The following TRPC4AP variants were observed in gnomAD, a reference collection of about 807,000 sequenced individuals.
The protein encoded by TRPC4AP is short transient receptor potential channel 4-associated protein.
TRPC4AP carries 45 observed loss-of-function variants against 99.0 expected under a neutral mutation model. The ratio of observed to expected loss-of-function variants is 0.45; its 90% CI spans 0.36 to 0.58. The LOEUF is 0.58. TRPC4AP is among the 20% of genes least tolerant of loss of function. TRPC4AP has a pLI of 0.00. For missense variants in TRPC4AP, 879 were observed against 985.3 expected (o/e 0.89, Z 1.44); for synonymous variants, 408 against 385.8 (o/e 1.06, Z -0.67).
At chr20:35,025,322 G>A (rs993756091) in intron 8 of TRPC4AP, among the ~76,000 whole-genome samples, 9 of 152,044 alleles carry the variant, frequency 5.9e-5, no homozygotes, top group African/African-American at 2.2e-4. Context: ...TCAGGACTAT[G>A]GGCACGTGCC....
chr20:35,026,399 G>A (rs1427565138), intron 8 of TRPC4AP, among the ~76,000 whole-genome samples: 2 of 152,016 alleles, frequency 1.3e-5, no homozygotes, highest in African/African-American at 2.4e-5. Context: ...ATTTTTTATA[G>A]AGACAGGGGT....
intron 9 of TRPC4AP, among the ~76,000 whole-genome samples, chr20:35,020,877 T>C (rs1396415068): frequency 6.6e-6 from 1 of 152,168 alleles, no homozygotes; most frequent in Admixed American, 6.5e-5. Context: ...TCCTCTAGCA[T>C]GTCCACAGGG....
At chr20:35,058,793 G>A (rs1166525998) in intron 3 of TRPC4AP, among the ~76,000 whole-genome samples, 1 of 148,092 alleles carries the variant, frequency 6.8e-6, no homozygotes, top group African/African-American at 2.5e-5. Flanking sequence ...GGGTTCAAGC[G>A]ATTCTCCTGC....
chr20:35,088,158 A>G (rs2084939258), intron 1 of TRPC4AP, among the ~76,000 whole-genome samples: 1 of 152,244 alleles, frequency 6.6e-6, no homozygotes, highest in Admixed American at 6.5e-5. Context: ...TAGCTGAGAA[A>G]GTATGTTTCA....
intron 1 of TRPC4AP, among the ~76,000 whole-genome samples, chr20:35,085,800 T>A (rs2146038855): frequency 6.6e-6 from 1 of 152,252 alleles, no homozygotes; most frequent in East Asian, 1.9e-4. Flanking sequence ...CTCTAAACTG[T>A]CAACCTGTTT....
At position 35,072,356 on chromosome 20, in the gene TRPC4AP, C is replaced by T. The variant is rs185959494; in HGVS notation, c.298-2944G>A. ...GTGTTTTAGTCATGAAGTCCTTGCC[C>T]GTGCCTATGGCCTGAATAGTATTGC... On this transcript the variant is annotated intron_variant, in intron 2 of 18. Transcript: ENST00000252015. 1.4e-3 allele frequency among the ~76,000 whole-genome samples: 217 copies of T among 152,258 alleles called. 1 individual carries two copies. Among genetic ancestry groups the T allele is most frequent in the African/African-American group, 4.9e-3 (205 of 41,550 alleles).
intron 1 of TRPC4AP, among the ~76,000 whole-genome samples, chr20:35,084,498 ATATATGTATATACGTATATATGTG>A (rs2084749664): frequency 1.4e-5 from 2 of 147,568 alleles, no homozygotes; most frequent in South Asian, 4.2e-4. Flanking sequence ...GTATATATCT[ATATATGTATATACGTATATATGTG>A]TATATATGTA....
intron 1 of TRPC4AP, among the ~76,000 whole-genome samples, chr20:35,083,692 A>C (rs1485425948): frequency 4.0e-5 from 6 of 151,302 alleles, no homozygotes; most frequent in African/African-American, 1.5e-4. Flanking sequence ...TCAGAATAAG[A>C]CATTTTCTGA....
chr20:35,057,639 T>TGAATGGTTATGGCA, intron 3 of TRPC4AP, 68 bp from the exon 4 acceptor site: 2 of 1,309,056 alleles, frequency 1.5e-6, no homozygotes, highest in South Asian at 1.2e-5. Flanking sequence ...GATTTTGCCA[T>TGAATGGTTATGGCA]AACCATTCAT....
chr20:35,010,351 G>C, intron 11 of TRPC4AP, 63 bp from the exon 12 acceptor site: 1 of 1,376,622 alleles, frequency 7.3e-7, no homozygotes, highest in Non-Finnish European at 1.0e-6. Flanking sequence ...TCAGCACCAG[G>C]CTAGTGTAGG....
intron 8 of TRPC4AP, among the ~76,000 whole-genome samples, chr20:35,027,138 C>T (rs1161315825): frequency 6.6e-6 from 1 of 152,124 alleles, no homozygotes. Context: ...TCGTCTTGTT[C>T]CTGATCTTAG....
Position 35,088,707 on chromosome 20 carries a change from AC to A in TRPC4AP, c.168+3906del, listed in dbSNP as rs542546360. ...GAGGTTAAATAACTTAATCTTGGTCACCCTGCTAGGATTCAATTCAGGTCCA... is the reference window on the plus strand; with the variant it reads ...GAGGTTAAATAACTTAATCTTGGTCACCTGCTAGGATTCAATTCAGGTCCA... On this transcript the variant is annotated intron_variant, in intron 1 of 18. Transcript: ENST00000252015. Among the ~76,000 whole-genome samples the A allele has an allele frequency of 1.7e-4, 26 of 152,286 alleles. No individual in the cohort carries two copies. In the South Asian group the frequency reaches 5.4e-3, roughly 32 times the overall value.
chr20:35,031,106 T>C (rs2083180139), intron 8 of TRPC4AP, among the ~76,000 whole-genome samples: 1 of 152,228 alleles, frequency 6.6e-6, no homozygotes. Flanking sequence ...ATTCTGAATA[T>C]GTCACCCTAC....
intron 1 of TRPC4AP, among the ~76,000 whole-genome samples, chr20:35,081,627 T>G (rs943466060): frequency 6.6e-6 from 1 of 152,002 alleles, no homozygotes; most frequent in Non-Finnish European, 1.5e-5. Context: ...GAATGGGAAA[T>G]AATACTCAAT....
chr20:35,006,063 T>C (rs537909505), intron 15 of TRPC4AP, among the ~76,000 whole-genome samples: 2 of 152,298 alleles, frequency 1.3e-5, no homozygotes, highest in South Asian at 4.1e-4. Flanking sequence ...TAATTTTTAC[T>C]TTTAATTTTA....
chr20:35,019,846 T>C (rs1196630379), intron 9 of TRPC4AP, among the ~76,000 whole-genome samples: 2 of 152,160 alleles, frequency 1.3e-5, no homozygotes, highest in African/African-American at 4.8e-5. Context: ...ACTCCCAAAG[T>C]GATACCTCCA....
chr20:35,074,385 C>T lies in TRPC4AP; in HGVS notation c.297+3661G>A, dbSNP rs572021204. On this transcript the variant is annotated intron_variant, in intron 2 of 18. Transcript: ENST00000252015. The stretch of plus-strand genomic sequence containing the variant: ...TTAGGGTGTCAATTTTAGATCTTTC[C>T]GGCTTTCTCTTGTGTGCATTTAGTG... 1.1e-3 allele frequency among the ~76,000 whole-genome samples: 170 copies of T among 152,216 alleles called. 1 individual carries two copies. Among genetic ancestry groups the T allele is most frequent in the African/African-American group, 2.4e-3 (101 of 41,526 alleles).
intron 1 of TRPC4AP, among the ~76,000 whole-genome samples, chr20:35,091,926 G>C (rs911468421): frequency 2.0e-5 from 3 of 152,162 alleles, no homozygotes; most frequent in South Asian, 2.1e-4. Context: ...AAGCAAGAGA[G>C]AGGAGCAGGG....
At position 35,086,527 on chromosome 20, in the gene TRPC4AP, G is replaced by GTA. The variant is rs1569158006; in HGVS notation, c.168+6086_168+6087insTA. 4.7e-4 allele frequency among the ~76,000 whole-genome samples: 9 copies of GTA among 19,232 alleles called. 2 individuals carry two copies. Among genetic ancestry groups the GTA allele is most frequent in the South Asian group, 2.5e-3 (1 of 404 alleles). The allele number at this position is 19,232 out of a possible 152,430, so 12.6% of individuals were successfully genotyped here. A position where few individuals can be genotyped will look rare whatever the true frequency, so the allele number is the denominator to read the frequency against. The stretch of plus-strand genomic sequence containing the variant: ...TATATATGTGTGTGTGTGTATATAT[G>GTA]TGTGTGTGTGTGTGTGTGTGTGTGT... On this transcript the variant is annotated intron_variant, in intron 1 of 18. Transcript: ENST00000252015.
Sources: allele counts gnomAD v4.1 joint callset (sites outside exome capture counted in the v4.1 genomes callset), GRCh38; gene constraint gnomAD v4.1.1; transcripts MANE v1.5; gene names NCBI Gene and HGNC (gene_info 2026-07-23, HGNC 2026-07-21).